The following VILL variants were observed in gnomAD, a reference collection of about 807,000 sequenced individuals.
The protein encoded by VILL is villin-like protein.
VILL carries 102 observed loss-of-function variants against 106.3 expected under a neutral mutation model. That is an observed-to-expected ratio of 0.96 (90% CI 0.82 to 1.13). The LOEUF is 1.13. Among genes scored for constraint, VILL ranks in the 50% most tolerant of loss-of-function variants. The pLI is 0.00. For missense variants in VILL, 1,076 were observed against 1,116.6 expected (o/e 0.96, Z 0.52); for synonymous variants, 431 against 440.3 (o/e 0.98, Z 0.27).
chr3:38,005,972 A>G lies in VILL; in HGVS notation c.2131A>G (p.Thr711Ala). 6.2e-7 allele frequency: 1 copy of G among 1,609,460 alleles called. No homozygotes were observed. Among genetic ancestry groups the G allele is most frequent in the Non-Finnish European group, 8.5e-7 (1 of 1,176,902 alleles). The change falls in exon 17 of 20, where the codon ACT (threonine) becomes GCT (alanine). Residue 711 changes from threonine (T) to alanine (A), a missense_variant and splice_region_variant. Transcript: ENST00000383759. ...CTTCACTTGGGACCCCTACAAGTGG[A>G]CTGTGAGTGAGGCCTGAAACCCCCA... ...WFFTWDPYKW[T>A]SHPSHKEVVD...
In VILL at chr3:38,005,847, G is replaced by T; in HGVS notation, c.2006G>T (p.Gly669Val). 6.2e-7 allele frequency: 1 copy of T among 1,613,912 alleles called. No homozygotes were observed. Among genetic ancestry groups the T allele is most frequent in the Non-Finnish European group, 8.5e-7 (1 of 1,179,934 alleles). Residue 669 changes from glycine to valine, a missense_variant, in exon 17 of 20, where the codon GGC becomes GTC. By Grantham distance (109) the Gly-to-Val change is moderately radical (BLOSUM62 -3). Coordinates refer to ENST00000383759, the MANE Select transcript of VILL (RefSeq NM_015873.4). Reference protein sequence around the residue: ...ASEWKEAVAWGQEYLKTHPAG... With the variant: ...ASEWKEAVAWVQEYLKTHPAG... ...GAGTGGAAGGAGGCGGTGGCCTGGG[G>T]CCAGGAGTACCTGAAGACTCACCCA...
Position 38,002,461 on chromosome 3 carries a change from C to A in VILL, c.1545C>A (p.Gly515=). 1 of 1,614,138 alleles carries A rather than the reference C, an allele frequency of 6.2e-7. No homozygotes were observed. The highest frequency in any genetic ancestry group is 8.5e-7 in the Non-Finnish European group (1 of 1,180,004). ...CCACAAGGCTTTTCCAAGTGCAAGGCACTGACAGCCACAACACCAGGACCA... is the reference window on the plus strand; with the variant it reads ...CCACAAGGCTTTTCCAAGTGCAAGGAACTGACAGCCACAACACCAGGACCA... ...ASTTRLFQVQ[G]TDSHNTRTME... Residue 515 remains glycine (G), a synonymous_variant, in exon 14 of 20, where the codon GGC becomes GGA. Coordinates refer to ENST00000383759, the MANE Select transcript of VILL (RefSeq NM_015873.4).
Position 38,002,578 on chromosome 3 carries a change from A to G in VILL, c.1659+3A>G. 1 of 1,611,608 alleles carries G rather than the reference A, an allele frequency of 6.2e-7. No homozygotes were observed. The highest frequency in any genetic ancestry group is 8.5e-7 in the Non-Finnish European group (1 of 1,178,526). ...TCTGCTACCTCTGGTTTGGGAAGGT[A>G]CCCACAGCACTGACCACTTGATTCA... On this transcript the variant is annotated splice_donor_region_variant and intron_variant, in intron 14 of 19. Coordinates refer to ENST00000383759, the MANE Select transcript of VILL (RefSeq NM_015873.4).
chr3:38,000,933 G>A (rs921238418), intron 11 of VILL: 33 of 456,936 alleles, frequency 7.2e-5, no homozygotes, highest in Non-Finnish European at 1.1e-4. Flanking sequence ...GCCTACCTGG[G>A]ATTTGACCAG....
chr3:37,992,924 G>C (rs1392265620), intron 1 of VILL, among the ~76,000 whole-genome samples: 1 of 152,196 alleles, frequency 6.6e-6, no homozygotes, highest in Admixed American at 6.5e-5. Flanking sequence ...AGCCAAGGGT[G>C]TTCCTGCTAT....
intron 16 of VILL, 100 bp from the exon 17 acceptor site, chr3:38,005,692 G>A (rs1171570068): frequency 7.5e-7 from 1 of 1,329,474 alleles, no homozygotes; most frequent in African/African-American, 1.5e-5. Context: ...ATGTGTATGT[G>A]GGGTTCTGTC....
At position 37,997,181 on chromosome 3, in the gene VILL, G is replaced by C; in HGVS notation, c.555G>C (p.Lys185Asn). The change falls in exon 6 of 20, where the codon AAG becomes AAC. Residue 185 changes from lysine (K) to asparagine (N), a missense_variant. Transcript: ENST00000383759. The surrounding 1 kb of genome is among the most constrained non-coding windows in gnomAD (Gnocchi z 4.7). ...WNGPKTSISE[K>N]ARGLALTYSL... The stretch of plus-strand genomic sequence containing the variant: ...GGCCCAAGACCAGCATTTCTGAGAA[G>C]GCTCGGGTCAGTGTCTGCCCAAGGA... 1 of 1,614,146 alleles carries C rather than the reference G, an allele frequency of 6.2e-7. No homozygotes were observed. Among genetic ancestry groups the C allele is most frequent in the East Asian group, 2.2e-5 (1 of 44,878 alleles).
In VILL at chr3:37,997,985, T is replaced by C; in HGVS notation, c.765-105T>C. 1 of 1,213,440 alleles carries C rather than the reference T, an allele frequency of 8.2e-7. No homozygotes were observed. Among genetic ancestry groups the C allele is most frequent in the Non-Finnish European group, 1.1e-6 (1 of 874,016 alleles). 75.2% of individuals were successfully genotyped at this position (1,213,440 alleles called of 1,614,324 possible). A position where few individuals can be genotyped will look rare whatever the true frequency, so the allele number is the denominator to read the frequency against. On this transcript the variant is annotated intron_variant, in intron 7 of 19. Coordinates refer to ENST00000383759, the MANE Select transcript of VILL (RefSeq NM_015873.4). The surrounding 1 kb of genome is among the most constrained non-coding windows in gnomAD (Gnocchi z 4.7). ...CTACAACTCGGGGCCCCAGCCCCCA[T>C]GCCTTCTGTCTCTGAGGGACTGGGG...
intron 1 of VILL, among the ~76,000 whole-genome samples, chr3:37,992,592 A>G (rs1699626127): frequency 6.6e-6 from 1 of 152,144 alleles, no homozygotes; most frequent in Non-Finnish European, 1.5e-5. Context: ...GCCTTCAGGA[A>G]TCTGCTGCTC....
intron 4 of VILL, among the ~76,000 whole-genome samples, chr3:37,995,486 T>C (rs909712387): frequency 5.3e-5 from 8 of 152,370 alleles, no homozygotes; most frequent in Non-Finnish European, 8.8e-5. Flanking sequence ...CCCAAATGTA[T>C]GTACATGTAC....
rs1276106912 is a variant in VILL at position 37,997,708 on chromosome 3, G to C, written c.764+23G>C. 6.6e-7 allele frequency: 1 copy of C among 1,525,288 alleles called. No individual in the cohort carries two copies. Among genetic ancestry groups the C allele is most frequent in the African/African-American group, 1.4e-5 (1 of 72,696 alleles). The allele number at this position is 1,525,288 out of a possible 1,614,324, so 94.5% of individuals were successfully genotyped here. A position where few individuals can be genotyped will look rare whatever the true frequency, so the allele number is the denominator to read the frequency against. On this transcript the variant is annotated intron_variant, in intron 7 of 19. Transcript: ENST00000383759. This position sits in a 1 kb window ranked among gnomAD's most constrained non-coding sequence, Gnocchi z 4.7. ...CCAGTGAGTACCCCTGGGGTGGGCA[G>C]GGGTGGGTGGGACAGTCCAGGACTC... is the stretch of plus-strand genomic sequence containing the variant.
chr3:37,989,159 G>C (rs1559653798), upstream of VILL, among the ~76,000 whole-genome samples: 1 of 152,136 alleles, frequency 6.6e-6, no homozygotes, highest in Non-Finnish European at 1.5e-5. Context: ...AGAGAAATCA[G>C]GGCAACTCCA....
chr3:38,005,760 C>A, intron 16 of VILL, 32 bp from the exon 17 acceptor site: 1 of 1,581,202 alleles, frequency 6.3e-7, no homozygotes, highest in South Asian at 1.2e-5. Flanking sequence ...GCCCCTCCAC[C>A]TGCCCAAGGC....
chr3:37,998,827 C>G lies in VILL; in HGVS notation c.943-85C>G. On this transcript the variant is annotated intron_variant, in intron 9 of 19. Transcript: ENST00000383759. This position sits in a 1 kb window ranked among gnomAD's most constrained non-coding sequence, Gnocchi z 4.1. ...TTAATTAACGCTTCTTGGAGCTCGG[C>G]TGTCCCAGAGCGGTAGGTCCCCAGG... 6.6e-7 allele frequency: 1 copy of G among 1,503,974 alleles called. No individual in the cohort carries two copies. Among genetic ancestry groups the G allele is most frequent in the East Asian group, 2.4e-5 (1 of 41,260 alleles). 93.2% of individuals were successfully genotyped at this position (1,503,974 alleles called of 1,614,324 possible). A position where few individuals can be genotyped will look rare whatever the true frequency, so the allele number is the denominator to read the frequency against.
At chr3:38,002,801 C>T in intron 14 of VILL, 2 of 581,734 alleles carry the variant, frequency 3.4e-6, no homozygotes, top group South Asian at 4.7e-5. Flanking sequence ...CAGGCCGCCT[C>T]CCCTCCTTAC....
intron 13 of VILL, 82 bp from the exon 14 acceptor site, chr3:38,002,314 C>T (rs984664452): frequency 9.4e-6 from 13 of 1,380,674 alleles, no homozygotes; most frequent in Middle Eastern, 2.0e-4. Context: ...GGTCCCTGAG[C>T]TCTGAGGCAA....
chr3:38,000,197 C>G (rs996732782), intron 11 of VILL, among the ~76,000 whole-genome samples: 1 of 152,156 alleles, frequency 6.6e-6, no homozygotes, highest in South Asian at 2.1e-4. Flanking sequence ...TCCTAGTTCT[C>G]GAGGTAGGTG....
chr3:38,003,411 C>T lies in VILL; in HGVS notation c.1805+98C>T, dbSNP rs528204023. 120 of 1,413,792 alleles carry T rather than the reference C, an allele frequency of 8.5e-5. No individual in the cohort carries two copies. In the African/African-American group the frequency reaches 1.1e-3, roughly 13 times the overall value. 87.6% of individuals were successfully genotyped at this position (1,413,792 alleles called of 1,614,324 possible). On this transcript the variant is annotated intron_variant, in intron 15 of 19. Transcript: ENST00000383759. ...GGATTCACACAGAGAGCTGGCAAGA[C>T]GAGACTAGAACCAAGGACTCTCAGT...
Position 38,007,015 on chromosome 3 carries a change from G to A in VILL, c.2531G>A (p.Trp844Ter). The A allele has an allele frequency of 6.2e-7, 1 of 1,614,126 alleles. No homozygotes were observed. Among genetic ancestry groups the A allele is most frequent in the Non-Finnish European group, 8.5e-7 (1 of 1,180,028 alleles). Residue 844 changes from tryptophan to a stop codon, truncating the protein, a stop_gained, in exon 20 of 20, where the codon TGG (tryptophan) becomes TAG (stop). Coordinates refer to ENST00000383759, the MANE Select transcript of VILL (RefSeq NM_015873.4). LOFTEE classifies it high-confidence loss of function. ...GAGGAATTCTACAGCATGGCCACGT[G>A]GAGGCAGCGGCAGGAGAAAAAGCAG... is the stretch of plus-strand genomic sequence containing the variant. ...SKEEFYSMAT[W>*]RQRQEKKQLG... is the part of the protein sequence containing the mutation.
Sources: allele counts gnomAD v4.1 joint callset (sites outside exome capture counted in the v4.1 genomes callset), GRCh38; gene constraint gnomAD v4.1.1; non-coding constraint Gnocchi (gnomAD v3.1); transcripts MANE v1.5; gene names NCBI Gene and HGNC (gene_info 2026-07-23, HGNC 2026-07-21).